Variants in FOXO3 observed in about 807,000 individuals in gnomAD.
The protein encoded by FOXO3 is forkhead box protein O3.
In FOXO3, 4 loss-of-function variants were observed where a neutral mutation model predicts 41.9. That is an observed-to-expected ratio of 0.10 (90% CI 0.05 to 0.22). The LOEUF is 0.22. FOXO3 is among the 10% of genes least tolerant of loss of function. The pLI, the probability that FOXO3 is intolerant of heterozygous loss-of-function variation, is 1.00. For missense variants in FOXO3, 534 were observed against 906.8 expected, an observed-to-expected ratio of 0.59 and a Z score of 5.28; for synonymous variants, 318 against 389.3, an observed-to-expected ratio of 0.82 and a Z score of 2.16.
At chr6:108,563,009 T>C (rs1457130191) in intron 1 of FOXO3, among the ~76,000 whole-genome samples, 3 of 152,214 alleles carry the variant, frequency 2.0e-5, no homozygotes, top group Non-Finnish European at 4.4e-5. Flanking sequence ...TTTTTTGTTT[T>C]GTTTTATGTA....
At chr6:108,674,298 G>A (rs1770487555) in intron 2 of FOXO3, among the ~76,000 whole-genome samples, 1 of 152,308 alleles carries the variant, frequency 6.6e-6, no homozygotes, top group African/African-American at 2.4e-5. Context: ...CAGGAGGATG[G>A]TTCTTTGATT....
chr6:108,640,174 G>A (rs1211548056), intron 1 of FOXO3, among the ~76,000 whole-genome samples: 1 of 152,176 alleles, frequency 6.6e-6, no homozygotes, highest in Non-Finnish European at 1.5e-5. Context: ...AGGAAGGAGG[G>A]GCAGTGCTCC....
intron 1 of FOXO3, among the ~76,000 whole-genome samples, chr6:108,616,463 A>G (rs568863970): frequency 2.0e-5 from 3 of 151,962 alleles, no homozygotes; most frequent in African/African-American, 4.8e-5. Flanking sequence ...CACCCGGCCA[A>G]TGTTTGTATT....
chr6:108,661,932 A>G (rs1331792392), intron 1 of FOXO3, among the ~76,000 whole-genome samples: 1 of 152,204 alleles, frequency 6.6e-6, no homozygotes, highest in East Asian at 1.9e-4. Flanking sequence ...TACACCCAAT[A>G]TCAAGTTTCC....
chr6:108,574,578 G>C (rs1191664109), intron 1 of FOXO3, among the ~76,000 whole-genome samples: 1 of 152,168 alleles, frequency 6.6e-6, no homozygotes, highest in East Asian at 1.9e-4. Context: ...TGAGGTGGTC[G>C]TCTCTTTGCA....
upstream of FOXO3, chr6:108,560,890 G>T (rs1775761126): frequency 4.7e-6 from 5 of 1,058,434 alleles, no homozygotes; most frequent in Non-Finnish European, 6.1e-6. Context: ...ATTCGCTCGC[G>T]GCTCCATCGC....
At chr6:108,600,573 A>AG (rs1777023987) in intron 1 of FOXO3, among the ~76,000 whole-genome samples, 1 of 141,784 alleles carries the variant, frequency 7.1e-6, no homozygotes, top group African/African-American at 2.5e-5. Flanking sequence ...AAAAAAAAAA[A>AG]GTATGTGTGT....
chr6:108,604,959 T>G (rs1439426927), intron 1 of FOXO3, among the ~76,000 whole-genome samples: 1 of 152,200 alleles, frequency 6.6e-6, no homozygotes, highest in Non-Finnish European at 1.5e-5. Flanking sequence ...TTTGCAAATT[T>G]ACTTTATACT....
rs554947896 is a variant in FOXO3 at position 108,600,310 on chromosome 6, C to T, written c.621+38481C>T. 5.9e-3 allele frequency among the ~76,000 whole-genome samples: 903 copies of T among 151,852 alleles called. 13 individuals carry two copies. The highest frequency in any genetic ancestry group is 0.042 in the South Asian group (199 of 4,792). ...CTGTAATCCCAGCACTTTAGGAGGC[C>T]GAGGCAAGGCGGATCACCCGAGGTC... On this transcript the variant is annotated intron_variant, in intron 1 of 2. Coordinates refer to ENST00000406360, the MANE Select transcript of FOXO3 (RefSeq NM_001455.4).
chr6:108,648,883 G>C (rs754251743), intron 1 of FOXO3, among the ~76,000 whole-genome samples: 4 of 151,868 alleles, frequency 2.6e-5, no homozygotes, highest in Non-Finnish European at 4.4e-5. Flanking sequence ...TGTGTTTCCA[G>C]CTTCTCAGGA....
At chr6:108,641,111 T>C (rs907120735) in intron 1 of FOXO3, among the ~76,000 whole-genome samples, 2 of 152,124 alleles carry the variant, frequency 1.3e-5, no homozygotes, top group Non-Finnish European at 2.9e-5. Flanking sequence ...GGTTTCACCA[T>C]GTTGGCCAGG....
intron 1 of FOXO3, among the ~76,000 whole-genome samples, chr6:108,590,926 A>G (rs1652375078): frequency 6.6e-6 from 1 of 152,204 alleles, no homozygotes; most frequent in South Asian, 2.1e-4. Flanking sequence ...CTCCCCTGAC[A>G]GCAGACGAAA....
chr6:108,579,942 ACTT>A (rs1350526009), intron 1 of FOXO3, among the ~76,000 whole-genome samples: 1 of 151,942 alleles, frequency 6.6e-6, no homozygotes, highest in Non-Finnish European at 1.5e-5. Context: ...CGGTGTCCTG[ACTT>A]CTGTGTGCTG....
chr6:108,623,771 C>T (rs1777736263), intron 1 of FOXO3, among the ~76,000 whole-genome samples: 1 of 152,164 alleles, frequency 6.6e-6, no homozygotes, highest in Non-Finnish European at 1.5e-5. Flanking sequence ...CATTCATAAA[C>T]TGGACTTAAG....
chr6:108,618,347 C>G, intron 1 of FOXO3: 2 of 582,338 alleles, frequency 3.4e-6, no homozygotes, highest in South Asian at 3.5e-5. Flanking sequence ...CCACACTGAA[C>G]GAGCACATGA....
At chr6:108,604,612 G>A (rs546375891) in intron 1 of FOXO3, among the ~76,000 whole-genome samples, 1 of 152,308 alleles carries the variant, frequency 6.6e-6, no homozygotes, top group South Asian at 2.1e-4. Flanking sequence ...CAGTGTTAGA[G>A]TCTCTACTAG....
intron 1 of FOXO3, among the ~76,000 whole-genome samples, chr6:108,621,848 G>A (rs1276557542): frequency 6.6e-6 from 1 of 152,128 alleles, no homozygotes; most frequent in Non-Finnish European, 1.5e-5. Context: ...AATTCCTCTT[G>A]AGCTTGGCCT....
chr6:108,565,959 G>A (rs1265167787), intron 1 of FOXO3, among the ~76,000 whole-genome samples: 2 of 152,100 alleles, frequency 1.3e-5, no homozygotes, highest in East Asian at 3.9e-4. Flanking sequence ...CTCACCAAAA[G>A]GCCAGTTATG....
At chr6:108,588,147 C>T (rs537192001) in intron 1 of FOXO3, among the ~76,000 whole-genome samples, 129 of 152,290 alleles carry the variant, frequency 8.5e-4, no homozygotes, top group Middle Eastern at 3.4e-3. Flanking sequence ...ATCTCATTTA[C>T]GAATGTGTTT....
Sources: allele counts gnomAD v4.1 joint callset (sites outside exome capture counted in the v4.1 genomes callset), GRCh38; gene constraint gnomAD v4.1.1; transcripts MANE v1.5; gene names NCBI Gene and HGNC (gene_info 2026-07-23, HGNC 2026-07-21).